The following NPAS3 variants were observed in gnomAD, a reference collection of about 807,000 sequenced individuals.
NPAS3 encodes neuronal PAS domain protein 3, also known as neuronal PAS domain-containing protein 3.
A neutral mutation model predicts 73.1 loss-of-function variants in NPAS3; 14 were observed. That is an observed-to-expected ratio of 0.19 (90% CI 0.13 to 0.30). NPAS3 has a LOEUF of 0.30. NPAS3 is among the 10% of genes least tolerant of loss of function. The pLI is 1.00. For synonymous variants in NPAS3, 620 were observed against 541.5 expected (o/e 1.14, Z -2.01); for missense variants, 1,096 against 1,250.0 (o/e 0.88, Z 1.86).
chr14:33,625,310 G>A (rs568995701), intron 5 of NPAS3, among the ~76,000 whole-genome samples: 3 of 152,308 alleles, frequency 2.0e-5, no homozygotes, highest in Non-Finnish European at 2.9e-5. Context: ...GCATAAACAC[G>A]ATAACAGAGA....
intron 4 of NPAS3, among the ~76,000 whole-genome samples, chr14:33,525,632 T>C (rs2053764323): frequency 6.6e-6 from 1 of 152,182 alleles, no homozygotes; most frequent in Non-Finnish European, 1.5e-5. Context: ...TACTCTATCA[T>C]ATTTGTGACC....
At chr14:33,382,307 A>G (rs1229353290) in intron 4 of NPAS3, among the ~76,000 whole-genome samples, 1 of 152,162 alleles carries the variant, frequency 6.6e-6, no homozygotes, top group African/African-American at 2.4e-5. Flanking sequence ...TTTAACTCAC[A>G]ACATTAATCC....
chr14:33,237,510 A>G (rs1364904868), intron 3 of NPAS3, among the ~76,000 whole-genome samples: 2 of 152,138 alleles, frequency 1.3e-5, no homozygotes, highest in African/African-American at 4.8e-5. Flanking sequence ...GAAAAATTGA[A>G]TGACAGTGAG....
chr14:32,982,657 A>C (rs1234252335), intron 1 of NPAS3, among the ~76,000 whole-genome samples: 3 of 152,222 alleles, frequency 2.0e-5, no homozygotes, highest in Admixed American at 2.0e-4. Context: ...TTCCTTCTCA[A>C]ATTCAATTAG....
intron 4 of NPAS3, among the ~76,000 whole-genome samples, chr14:33,408,918 A>G (rs1188884545): frequency 6.6e-6 from 1 of 152,026 alleles, no homozygotes; most frequent in Non-Finnish European, 1.5e-5. Context: ...ATATTGAGGG[A>G]AAATGACTAT....
chr14:33,116,640 G>A (rs1017660310), intron 2 of NPAS3, among the ~76,000 whole-genome samples: 32 of 152,052 alleles, frequency 2.1e-4, no homozygotes, highest in African/African-American at 6.5e-4. Flanking sequence ...TGTTACTGGT[G>A]GACGTGAATT....
At chr14:33,801,151 A>T (rs2063706895), downstream of NPAS3, 16 of 1,537,866 alleles carry the variant, frequency 1.0e-5, no homozygotes, top group Non-Finnish European at 1.4e-5. Context: ...CGCTTGGAGG[A>T]GGCATCGTCG....
intron 3 of NPAS3, among the ~76,000 whole-genome samples, chr14:33,244,639 C>A (rs1000787729): frequency 5.9e-5 from 9 of 152,126 alleles, no homozygotes; most frequent in Non-Finnish European, 8.8e-5. Flanking sequence ...ACAGGCTAAA[C>A]ATGAGGCTAA....
intron 5 of NPAS3, among the ~76,000 whole-genome samples, chr14:33,569,435 A>T (rs2139810436): frequency 6.6e-6 from 1 of 152,226 alleles, no homozygotes; most frequent in South Asian, 2.1e-4. Context: ...CCTAGGAAGT[A>T]TGTCAGTAAT....
At chr14:33,521,972 C>A (rs2053577195) in intron 4 of NPAS3, among the ~76,000 whole-genome samples, 1 of 152,142 alleles carries the variant, frequency 6.6e-6, no homozygotes, top group African/African-American at 2.4e-5. Flanking sequence ...TGTAATAAAT[C>A]TAGCCCTTTG....
intron 3 of NPAS3, among the ~76,000 whole-genome samples, chr14:33,298,288 C>T (rs2042388560): frequency 6.6e-6 from 1 of 152,164 alleles, no homozygotes; most frequent in Non-Finnish European, 1.5e-5. Context: ...ATCTCAAAAA[C>T]AAACAGAGAT....
At chr14:33,084,753 G>A (rs139549990) in intron 2 of NPAS3, among the ~76,000 whole-genome samples, 267 of 152,184 alleles carry the variant, frequency 1.8e-3, no homozygotes, top group Admixed American at 3.3e-3. Flanking sequence ...TCTTGTGGCC[G>A]TGAAATTGAT....
At chr14:33,542,938 T>C (rs2054589024) in intron 4 of NPAS3, among the ~76,000 whole-genome samples, 2 of 152,182 alleles carry the variant, frequency 1.3e-5, no homozygotes, top group African/African-American at 4.8e-5. Flanking sequence ...TAGACAGAAC[T>C]GGACTTGGGA....
chr14:32,979,949 T>C (rs1234229260), intron 1 of NPAS3, among the ~76,000 whole-genome samples: 2 of 152,176 alleles, frequency 1.3e-5, no homozygotes, highest in Non-Finnish European at 2.9e-5. Flanking sequence ...ATTATGTCAA[T>C]TGACTTGTCA....
chr14:33,599,292 G>A (rs528773160), intron 5 of NPAS3, among the ~76,000 whole-genome samples: 1 of 152,176 alleles, frequency 6.6e-6, no homozygotes, highest in East Asian at 1.9e-4. Flanking sequence ...AAGAACAGAT[G>A]TAAGAGTTGT....
intron 5 of NPAS3, among the ~76,000 whole-genome samples, chr14:33,663,043 C>G (rs2059354150): frequency 6.6e-6 from 1 of 151,976 alleles, no homozygotes; most frequent in Non-Finnish European, 1.5e-5. Context: ...ATGACTTCCT[C>G]TCTTCCTATT....
chr14:33,405,086 T>G (rs1234609482), intron 4 of NPAS3, among the ~76,000 whole-genome samples: 2 of 152,106 alleles, frequency 1.3e-5, no homozygotes, highest in Non-Finnish European at 2.9e-5. Context: ...AAAGCCTTGC[T>G]TCTAGTATGC....
intron 3 of NPAS3, among the ~76,000 whole-genome samples, chr14:33,352,310 T>C (rs1397342248): frequency 7.2e-5 from 11 of 152,230 alleles, no homozygotes; most frequent in Non-Finnish European, 1.6e-4. Context: ...AAAAGTCATA[T>C]ACACCACTTT....
chr14:33,420,852 T>C (rs961195491), intron 4 of NPAS3, among the ~76,000 whole-genome samples: 8 of 151,922 alleles, frequency 5.3e-5, no homozygotes, highest in Non-Finnish European at 1.2e-4. Flanking sequence ...CAGAAGTAGA[T>C]TGCTGATAAA....
Sources: allele counts gnomAD v4.1 joint callset (sites outside exome capture counted in the v4.1 genomes callset), GRCh38; gene constraint gnomAD v4.1.1; transcripts MANE v1.5; gene names NCBI Gene and HGNC (gene_info 2026-07-23, HGNC 2026-07-21).